Variants in STARD13 observed in about 807,000 individuals in gnomAD.
The protein encoded by STARD13 is StAR related lipid transfer domain containing 13, also known as stAR-related lipid transfer protein 13.
STARD13 carries 62 observed loss-of-function variants against 106.4 expected under a neutral mutation model. The observed-to-expected ratio is 0.58, with a 90% CI of 0.48 to 0.72. STARD13 has a LOEUF of 0.72. Among genes scored for constraint, STARD13 ranks in the 30% least tolerant of loss-of-function variants. STARD13 has a pLI of 0.00. For missense variants in STARD13, 1,387 were observed against 1,424.0 expected (o/e 0.97, Z 0.42); for synonymous variants, 565 against 553.0 (o/e 1.02, Z -0.31).
At chr13:33,116,214 T>C (rs1268429321) in intron 8 of STARD13, among the ~76,000 whole-genome samples, 2 of 152,244 alleles carry the variant, frequency 1.3e-5, no homozygotes, top group African/African-American at 2.4e-5. Context: ...CACTGGGCTC[T>C]CCTGACTTCT....
the STARD13 span, among the ~76,000 whole-genome samples, chr13:33,384,603 T>C: frequency 6.6e-6 from 1 of 152,172 alleles, no homozygotes; most frequent in African/African-American, 2.4e-5. Flanking sequence ...AGCATAAAAA[T>C]AGAATATACT....
At chr13:33,367,975 G>A in the STARD13 span, among the ~76,000 whole-genome samples, 1 of 152,092 alleles carries the variant, frequency 6.6e-6, no homozygotes, top group African/African-American at 2.4e-5. Flanking sequence ...GTGTTCCAAA[G>A]GCCCAGTAAC....
At chr13:33,549,295 AAACTG>A in the STARD13 span, among the ~76,000 whole-genome samples, 3,009 of 152,314 alleles carry the variant, frequency 0.02, 93 homozygotes, top group African/African-American at 0.068. Flanking sequence ...AATTGAGAAT[AAACTG>A]AAATCAAGTA....
At chr13:33,399,015 A>T in the STARD13 span, among the ~76,000 whole-genome samples, 1 of 152,238 alleles carries the variant, frequency 6.6e-6, no homozygotes, top group Non-Finnish European at 1.5e-5. Flanking sequence ...AGGTGAGTAA[A>T]TAAACAAGTT....
intron 1 of STARD13, among the ~76,000 whole-genome samples, chr13:33,333,514 G>A (rs548981645): frequency 6.6e-6 from 1 of 152,270 alleles, no homozygotes; most frequent in African/African-American, 2.4e-5. Context: ...TTGCACCTTA[G>A]AAGGAGGCTG....
At chr13:33,332,746 G>A (rs1032668766) in intron 1 of STARD13, among the ~76,000 whole-genome samples, 9 of 151,936 alleles carry the variant, frequency 5.9e-5, no homozygotes, top group Admixed American at 5.9e-4. Context: ...TACATTTTTT[G>A]TTTTTTCTTC....
chr13:33,189,457 G>A (rs1886078073), intron 1 of STARD13, among the ~76,000 whole-genome samples: 2 of 135,890 alleles, frequency 1.5e-5, no homozygotes. Context: ...GAAAGCAGGA[G>A]GAAAGGGAAG....
At chr13:33,464,737 T>C in the STARD13 span, among the ~76,000 whole-genome samples, 1 of 152,054 alleles carries the variant, frequency 6.6e-6, no homozygotes, top group African/African-American at 2.4e-5. Flanking sequence ...TAATCCCAGC[T>C]ACTTGGGAGG....
At chr13:33,406,587 C>A in the STARD13 span, among the ~76,000 whole-genome samples, 1 of 152,202 alleles carries the variant, frequency 6.6e-6, no homozygotes, top group African/African-American at 2.4e-5. Flanking sequence ...TGGCCAACAG[C>A]ACTGTAACTC....
chr13:33,413,118 G>A, the STARD13 span, among the ~76,000 whole-genome samples: 6 of 152,156 alleles, frequency 3.9e-5, no homozygotes, highest in African/African-American at 1.2e-4. Flanking sequence ...GATAGGTAAC[G>A]GTAAAATCTC....
intron 1 of STARD13, among the ~76,000 whole-genome samples, chr13:33,298,121 G>GTTTTTTTT (rs71071090): frequency 1.9e-5 from 1 of 51,914 alleles, no homozygotes; most frequent in African/African-American, 7.4e-5. Flanking sequence ...CCCATCTACA[G>GTTTTTTTT]TTTTTTTTTT....
At chr13:33,247,192 G>A (rs1050689150) in intron 1 of STARD13, among the ~76,000 whole-genome samples, 3 of 151,188 alleles carry the variant, frequency 2.0e-5, no homozygotes, top group Admixed American at 6.6e-5. Context: ...GTGAGACTCT[G>A]TCTCGGATAA....
At chr13:33,630,296 C>T in the STARD13 span, among the ~76,000 whole-genome samples, 20 of 152,276 alleles carry the variant, frequency 1.3e-4, no homozygotes, top group East Asian at 3.9e-3. Context: ...TTTTTGCATC[C>T]TCAGACACTC....
chr13:33,582,696 A>G, the STARD13 span, among the ~76,000 whole-genome samples: 2 of 152,248 alleles, frequency 1.3e-5, no homozygotes, highest in African/African-American at 4.8e-5. Context: ...AACATAAATC[A>G]TATTTTGACT....
chr13:33,115,680 G>A (rs1875266321), intron 8 of STARD13, among the ~76,000 whole-genome samples: 2 of 152,152 alleles, frequency 1.3e-5, no homozygotes, highest in Non-Finnish European at 2.9e-5. Context: ...CCAGTGTTTG[G>A]TTTAAGGGGG....
At chr13:33,184,459 T>A (rs897833157) in intron 1 of STARD13, among the ~76,000 whole-genome samples, 1 of 151,974 alleles carries the variant, frequency 6.6e-6, no homozygotes, top group Non-Finnish European at 1.5e-5. Flanking sequence ...AAAGTAAAGG[T>A]GGGAACAGAT....
At chr13:33,519,380 C>T in the STARD13 span, among the ~76,000 whole-genome samples, 2 of 149,502 alleles carry the variant, frequency 1.3e-5, no homozygotes, top group Admixed American at 6.7e-5. Context: ...TAAGATGGAA[C>T]CCCATCACCA....
At chr13:33,168,984 C>A (rs1472371663) in intron 1 of STARD13, among the ~76,000 whole-genome samples, 1 of 152,212 alleles carries the variant, frequency 6.6e-6, no homozygotes, top group African/African-American at 2.4e-5. Context: ...GGAACGCCTG[C>A]CTCTTCTGTC....
At chr13:33,615,251 G>C in the STARD13 span, among the ~76,000 whole-genome samples, 1 of 152,144 alleles carries the variant, frequency 6.6e-6, no homozygotes, top group Non-Finnish European at 1.5e-5. Context: ...GAGGGTGGGA[G>C]TCAATTTGGC....
Sources: allele counts gnomAD v4.1 joint callset (sites outside exome capture counted in the v4.1 genomes callset), GRCh38; gene constraint gnomAD v4.1.1; transcripts MANE v1.5; gene names NCBI Gene and HGNC (gene_info 2026-07-23, HGNC 2026-07-21).